CNTLN: variants seen among roughly 807,000 people sequenced by gnomAD.
CNTLN encodes centlein, also known as centlein, centrosomal protein.
CNTLN carries 212 observed loss-of-function variants against 180.0 expected under a neutral mutation model. That is an observed-to-expected ratio of 1.18 (90% CI 1.05 to 1.32). The LOEUF (loss-of-function observed/expected upper bound fraction) is 1.32, where lower values mean the gene tolerates loss of function less well. Ranked by LOEUF, CNTLN falls within the 40% of genes most tolerant of loss-of-function variation. CNTLN has a pLI of 0.00. For synonymous variants in CNTLN, 722 were observed against 563.1 expected, an observed-to-expected ratio of 1.28 and a Z score of -3.99; for missense variants, 2,095 against 1,610.9, an observed-to-expected ratio of 1.30 and a Z score of -5.14.
chr9:17,245,508 T>C lies in CNTLN; in HGVS notation c.849+8920T>C, dbSNP rs148697042. 3.2e-3 allele frequency among the ~76,000 whole-genome samples: 484 copies of C among 151,826 alleles called. 2 individuals are homozygous for C. The highest frequency in any genetic ancestry group is 4.5e-3 in the Non-Finnish European group (305 of 67,916). On this transcript the variant is annotated intron_variant, in intron 5 of 25. Coordinates refer to ENST00000380647, the MANE Select transcript of CNTLN (RefSeq NM_017738.4). The stretch of plus-strand genomic sequence containing the variant: ...GGACTTTGGGATTTTGATTATTAAA[T>C]ACCTTGAGGTAGTTTTCTTTGGGTT...
intron 7 of CNTLN, among the ~76,000 whole-genome samples, chr9:17,303,630 G>T (rs2132850680): frequency 6.6e-6 from 1 of 151,946 alleles, no homozygotes; most frequent in South Asian, 2.1e-4. Context: ...TGCCTTATTT[G>T]TCAGGTGTGT....
At chr9:17,192,546 C>T (rs1181174080) in intron 2 of CNTLN, among the ~76,000 whole-genome samples, 1 of 152,046 alleles carries the variant, frequency 6.6e-6, no homozygotes, top group East Asian at 1.9e-4. Flanking sequence ...TGAGGTAGGC[C>T]CTATTCTTAT....
intron 13 of CNTLN, among the ~76,000 whole-genome samples, chr9:17,370,566 T>A (rs921902827): frequency 6.6e-6 from 1 of 152,164 alleles, no homozygotes; most frequent in African/African-American, 2.4e-5. Context: ...ATAAATGGAA[T>A]ACTTAAATCA....
chr9:17,331,420 T>C (rs1464777644), intron 9 of CNTLN, among the ~76,000 whole-genome samples: 2 of 151,864 alleles, frequency 1.3e-5, no homozygotes, highest in Non-Finnish European at 2.9e-5. Flanking sequence ...CTACAGAATG[T>C]TGACTAATAT....
At chr9:17,367,486 A>G (rs1823929208) in intron 13 of CNTLN, among the ~76,000 whole-genome samples, 1 of 152,158 alleles carries the variant, frequency 6.6e-6, no homozygotes, top group South Asian at 2.1e-4. Flanking sequence ...CTTGGGTGGC[A>G]TGTGACCTAC....
At chr9:17,141,037 A>G (rs756183853) in intron 1 of CNTLN, among the ~76,000 whole-genome samples, 12 of 152,200 alleles carry the variant, frequency 7.9e-5, no homozygotes, top group Non-Finnish European at 1.5e-4. Context: ...ACTGGGAAGA[A>G]TATTTCTAAC....
chr9:17,270,808 T>A (rs1005555088), intron 5 of CNTLN, among the ~76,000 whole-genome samples: 7 of 152,100 alleles, frequency 4.6e-5, no homozygotes, highest in Non-Finnish European at 8.8e-5. Flanking sequence ...TTTCTATTTT[T>A]TCTTTTTTTG....
intron 2 of CNTLN, among the ~76,000 whole-genome samples, chr9:17,148,297 G>A (rs1366980132): frequency 2.0e-5 from 3 of 152,158 alleles, no homozygotes; most frequent in Non-Finnish European, 2.9e-5. Flanking sequence ...GTTCTGTAAA[G>A]TCACTACAAA....
intron 19 of CNTLN, 45 bp from the exon 20 acceptor site, chr9:17,462,871 C>T: frequency 9.6e-7 from 1 of 1,041,270 alleles, no homozygotes. Context: ...TGCCTTAGAC[C>T]AAGGTTGTAA....
intron 12 of CNTLN, among the ~76,000 whole-genome samples, chr9:17,345,943 A>G (rs1012726662): frequency 4.6e-5 from 7 of 152,190 alleles, no homozygotes; most frequent in African/African-American, 1.7e-4. Context: ...AATTATTAAA[A>G]TAAGTTGGCT....
rs1587411138 is a variant in CNTLN, at chr9:17,266,628, G to T, written c.850-7105G>T. 3.3e-5 allele frequency among the ~76,000 whole-genome samples: 5 copies of T among 152,226 alleles called. 1 individual carries two copies. The Middle Eastern group carries it at 0.017, about 518-fold the overall frequency. Reference sequence around the variant, plus strand: ...CTGTCTCGTTGATCTGTTTAGTGTTGACGGTGGGATGTTATAGTCTCCCAT... The same window carrying T: ...CTGTCTCGTTGATCTGTTTAGTGTTTACGGTGGGATGTTATAGTCTCCCAT... On this transcript the variant is annotated intron_variant, in intron 5 of 25. Coordinates refer to ENST00000380647, the MANE Select transcript of CNTLN (RefSeq NM_017738.4).
chr9:17,519,503 G>A, the CNTLN span, among the ~76,000 whole-genome samples: 1 of 152,066 alleles, frequency 6.6e-6, no homozygotes, highest in Non-Finnish European at 1.5e-5. Context: ...ATAAAACAAA[G>A]GTTCACTGCT....
chr9:17,283,774 T>A (rs1828808035), intron 6 of CNTLN, among the ~76,000 whole-genome samples: 1 of 152,182 alleles, frequency 6.6e-6, no homozygotes, highest in African/African-American at 2.4e-5. Flanking sequence ...GTTCCATCAA[T>A]ACCTAGTTTA....
intron 1 of CNTLN, among the ~76,000 whole-genome samples, chr9:17,137,530 A>G (rs1036775159): frequency 6.6e-6 from 1 of 152,232 alleles, no homozygotes; most frequent in Non-Finnish European, 1.5e-5. Context: ...CACATATACA[A>G]ACATATATTT....
chr9:17,369,940 T>C (rs2133471927), intron 13 of CNTLN, among the ~76,000 whole-genome samples: 1 of 145,110 alleles, frequency 6.9e-6, no homozygotes, highest in South Asian at 2.2e-4. Flanking sequence ...TGAATCGAGA[T>C]CACGCCACTG....
intron 4 of CNTLN, among the ~76,000 whole-genome samples, chr9:17,236,075 G>A (rs1825123701): frequency 6.6e-6 from 1 of 152,134 alleles, no homozygotes; most frequent in African/African-American, 2.4e-5. Context: ...GATGGGACTG[G>A]CATTATTAAT....
At chr9:17,472,124 T>C (rs1832071633) in intron 23 of CNTLN, among the ~76,000 whole-genome samples, 1 of 152,154 alleles carries the variant, frequency 6.6e-6, no homozygotes, top group Non-Finnish European at 1.5e-5. Flanking sequence ...TGAAGGCATA[T>C]GGAATATATC....
chr9:17,392,219 C>T (rs1209116331), intron 14 of CNTLN, among the ~76,000 whole-genome samples: 1 of 151,994 alleles, frequency 6.6e-6, no homozygotes, highest in Non-Finnish European at 1.5e-5. Flanking sequence ...AAACCATGAT[C>T]GAGCCATGGC....
At chr9:17,281,340 A>G (rs1308309075) in intron 6 of CNTLN, among the ~76,000 whole-genome samples, 4 of 152,014 alleles carry the variant, frequency 2.6e-5, no homozygotes, top group Admixed American at 2.6e-4. Context: ...TTTGTTATGT[A>G]GGTAAATATG....
Sources: allele counts gnomAD v4.1 joint callset (sites outside exome capture counted in the v4.1 genomes callset), GRCh38; gene constraint gnomAD v4.1.1; transcripts MANE v1.5; gene names NCBI Gene and HGNC (gene_info 2026-07-23, HGNC 2026-07-21).